Variants in CPQ observed in about 807,000 individuals in gnomAD.
The protein encoded by CPQ is Ser-Met dipeptidase.
In CPQ, 37 loss-of-function variants were observed where a neutral mutation model predicts 45.7. The ratio of observed to expected loss-of-function variants is 0.81; its 90% confidence interval spans 0.62 to 1.07. CPQ has a LOEUF of 1.07. Ranked by LOEUF, CPQ falls within the 50% of genes least tolerant of loss-of-function variation. CPQ has a pLI of 0.00. For synonymous variants in CPQ, 186 were observed against 205.8 expected (o/e 0.90, Z 0.82); for missense variants, 537 against 572.9 (o/e 0.94, Z 0.64).
intron 1 of CPQ, among the ~76,000 whole-genome samples, chr8:96,736,471 C>T (rs139796792): frequency 6.6e-5 from 10 of 152,242 alleles, no homozygotes; most frequent in South Asian, 4.1e-4. Flanking sequence ...AAAGTTTTGC[C>T]GTATCATATT....
intron 5 of CPQ, among the ~76,000 whole-genome samples, chr8:97,014,253 G>A (rs1809540711): frequency 6.6e-6 from 1 of 152,186 alleles, no homozygotes; most frequent in African/African-American, 2.4e-5. Flanking sequence ...CTTATTATTT[G>A]CATGGTGAGA....
At position 96,718,282 on chromosome 8, in the gene CPQ, C is replaced by T. The variant is rs556510235; in HGVS notation, c.-34-66582C>T. On this transcript the variant is annotated intron_variant, in intron 1 of 7. Transcript: ENST00000220763. ...GTCTCACTGACTTCAAGAATGAAGC[C>T]GCGGACCCTCACAGTGAGTGTTACA... Among the ~76,000 whole-genome samples the T allele has an allele frequency of 3.0e-4, 46 of 152,276 alleles. 1 individual carries two copies. In the East Asian group the frequency reaches 8.3e-3, roughly 28 times the overall value.
chr8:96,668,871 CAA>C (rs113480247), intron 1 of CPQ, among the ~76,000 whole-genome samples: 2 of 129,440 alleles, frequency 1.5e-5, no homozygotes, highest in Admixed American at 7.8e-5. Flanking sequence ...ATGGTGCAGA[CAA>C]AAAAAAAAAA....
At position 96,831,860 on chromosome 8, in the gene CPQ, T is replaced by C. The variant is rs548469871; in HGVS notation, c.434-3113T>C. 3.8e-4 allele frequency among the ~76,000 whole-genome samples: 58 copies of C among 152,282 alleles called. No individual in the cohort carries two copies. The South Asian group carries it at 0.011, about 28-fold the overall frequency. ...AGTCATTGTGAGTTCTACCCACATG[T>C]GGCTATTTAAATGTACGTATAAATT... is the stretch of plus-strand genomic sequence containing the variant. On this transcript the variant is annotated intron_variant, in intron 2 of 7. Coordinates refer to ENST00000220763, the MANE Select transcript of CPQ (RefSeq NM_016134.4).
At chr8:96,885,733 C>T (rs373567180) in intron 4 of CPQ, among the ~76,000 whole-genome samples, 65 of 152,284 alleles carry the variant, frequency 4.3e-4, no homozygotes, top group Middle Eastern at 3.4e-3. Context: ...TGGTGGCTCA[C>T]GCCTGTAATC....
In CPQ at chr8:96,729,547, A is replaced by C. The variant is rs372369294; in HGVS notation, c.-34-55317A>C. On this transcript the variant is annotated intron_variant, in intron 1 of 7. Coordinates refer to ENST00000220763, the MANE Select transcript of CPQ (RefSeq NM_016134.4). ...GAAAAATTTCAAATGAAGTAATCAG[A>C]ATAGAATAATGAATGTCCATATACA... Among the ~76,000 whole-genome samples the C allele has an allele frequency of 6.6e-5, 10 of 152,330 alleles. No individual in the cohort carries two copies. In the East Asian group the frequency reaches 1.9e-3, roughly 29 times the overall value.
chr8:97,013,662 A>C (rs887704789), intron 5 of CPQ, among the ~76,000 whole-genome samples: 3 of 152,246 alleles, frequency 2.0e-5, no homozygotes, highest in Non-Finnish European at 4.4e-5. Context: ...GGAAAATCAC[A>C]GAAATGGAAA....
At chr8:96,662,519 T>G (rs1815711739) in intron 1 of CPQ, among the ~76,000 whole-genome samples, 1 of 152,186 alleles carries the variant, frequency 6.6e-6, no homozygotes, top group African/African-American at 2.4e-5. Flanking sequence ...AAGAACTGCA[T>G]CCTTAAAGCT....
At chr8:96,949,813 G>A (rs1813235129) in intron 4 of CPQ, among the ~76,000 whole-genome samples, 1 of 152,020 alleles carries the variant, frequency 6.6e-6, no homozygotes, top group South Asian at 2.1e-4. Flanking sequence ...AGTCAGTGCT[G>A]GCTTCTAAAT....
chr8:97,092,777 T>G (rs865773876), intron 7 of CPQ: 2 of 152,084 alleles, frequency 1.3e-5, no homozygotes, highest in South Asian at 4.1e-4. Flanking sequence ...GACTTCATGA[T>G]GAAGACTCCA....
chr8:96,799,927 T>C (rs915087732), intron 2 of CPQ, among the ~76,000 whole-genome samples: 1 of 152,186 alleles, frequency 6.6e-6, no homozygotes, highest in Non-Finnish European at 1.5e-5. Flanking sequence ...CCCTCTTGAC[T>C]GTTTCTGTAA....
At chr8:96,697,856 G>T (rs1025167307) in intron 1 of CPQ, among the ~76,000 whole-genome samples, 13 of 151,848 alleles carry the variant, frequency 8.6e-5, no homozygotes, top group African/African-American at 3.1e-4. Flanking sequence ...AATTGAAGAG[G>T]ACACAAAAAA....
rs528281844 is a variant in CPQ at position 96,693,306 on chromosome 8, A to G, written c.-35+47904A>G. 4.6e-5 allele frequency among the ~76,000 whole-genome samples: 7 copies of G among 151,838 alleles called. No individual in the cohort carries two copies. In the South Asian group the frequency reaches 1.5e-3, roughly 32 times the overall value. On this transcript the variant is annotated intron_variant, in intron 1 of 7. Coordinates refer to ENST00000220763, the MANE Select transcript of CPQ (RefSeq NM_016134.4). ...AGTAGGGTAGAAAGTTCATTGAAAG[A>G]GATAATAACAGAGAACTTTCCAAAC...
At chr8:96,782,007 A>G (rs1428680030) in intron 1 of CPQ, among the ~76,000 whole-genome samples, 1 of 152,180 alleles carries the variant, frequency 6.6e-6, no homozygotes, top group Non-Finnish European at 1.5e-5. Context: ...AAGGACTTGG[A>G]GAGCCCTGCA....
chr8:96,926,561 TTCC>T (rs1330766665), intron 4 of CPQ, among the ~76,000 whole-genome samples: 2 of 114,110 alleles, frequency 1.8e-5, no homozygotes, highest in Admixed American at 8.9e-5. Flanking sequence ...CCTCTTCCTC[TTCC>T]TCTTCCTCTT....
chr8:97,053,275 A>G (rs181478289), intron 6 of CPQ, among the ~76,000 whole-genome samples: 332 of 152,356 alleles, frequency 2.2e-3, no homozygotes, highest in Middle Eastern at 3.4e-3. Context: ...ATTCTAGTGA[A>G]TCAAGACTGA....
chr8:96,659,195 TC>T (rs1259656035), intron 1 of CPQ: 1 of 152,056 alleles, frequency 6.6e-6, no homozygotes, highest in Non-Finnish European at 1.5e-5. Context: ...GTGGTTATCT[TC>T]CCTACAAAGA....
At chr8:96,835,729 C>A (rs1014648789) in intron 3 of CPQ, among the ~76,000 whole-genome samples, 36 of 151,966 alleles carry the variant, frequency 2.4e-4, no homozygotes, top group African/African-American at 8.7e-4. Flanking sequence ...CTTCTGTTAA[C>A]CAGGGGTAAA....
chr8:96,858,426 G>C (rs1255779129), intron 3 of CPQ, among the ~76,000 whole-genome samples: 2 of 152,070 alleles, frequency 1.3e-5, no homozygotes, highest in Admixed American at 6.5e-5. Flanking sequence ...TAACTTCTGG[G>C]TTCCTTGCAC....
Sources: gnomAD v4.1 joint callset for allele counts (sites outside exome capture counted in the v4.1 genomes callset) on GRCh38, gnomAD v4.1.1 for gene constraint, MANE v1.5 for transcripts, NCBI Gene and HGNC (gene_info 2026-07-23, HGNC 2026-07-21) for gene names.